KCTD1: variants seen among roughly 807,000 people sequenced by gnomAD.
KCTD1 encodes BTB/POZ domain-containing protein KCTD1.
A neutral mutation model predicts 66.0 loss-of-function variants in KCTD1; 24 were observed. The observed-to-expected ratio is 0.36, with a 90% CI of 0.26 to 0.51. The LOEUF (loss-of-function observed/expected upper bound fraction) is 0.51. KCTD1 is among the 20% of genes least tolerant of loss of function. KCTD1 has a pLI of 0.95. For missense variants in KCTD1, 943 were observed against 1,205.2 expected (o/e 0.78, Z 3.22); for synonymous variants, 511 against 517.2 (o/e 0.99, Z 0.16).
intron 1 of KCTD1, among the ~76,000 whole-genome samples, chr18:26,514,877 G>T (rs1983570433): frequency 6.6e-6 from 1 of 152,228 alleles, no homozygotes; most frequent in Non-Finnish European, 1.5e-5. Flanking sequence ...ATTTTGGAGA[G>T]GATAGTGGTT....
intron 2 of KCTD1, among the ~76,000 whole-genome samples, chr18:26,489,681 T>C (rs1316956058): frequency 6.6e-6 from 1 of 152,206 alleles, no homozygotes; most frequent in Non-Finnish European, 1.5e-5. Context: ...TTTCCTCAGC[T>C]TGAGAATAAC....
At chr18:26,501,043 G>T (rs376586880) in intron 2 of KCTD1, 29 bp downstream of exon 2, 436 of 1,607,312 alleles carry the variant, frequency 2.7e-4, no homozygotes, top group Non-Finnish European at 3.5e-4. Context: ...ATGCACGTCG[G>T]AGTCTGATTT....
chr18:26,462,348 C>A (rs150430753), intron 3 of KCTD1, among the ~76,000 whole-genome samples: 149 of 152,326 alleles, frequency 9.8e-4, no homozygotes, highest in African/African-American at 3.6e-3. Flanking sequence ...GTCTCATGGG[C>A]CTAGCGCTGA....
intron 1 of KCTD1, among the ~76,000 whole-genome samples, chr18:26,622,148 A>G (rs576080381): frequency 6.6e-6 from 1 of 152,276 alleles, no homozygotes; most frequent in African/African-American, 2.4e-5. Flanking sequence ...TGGCTTGCAA[A>G]CTGTCTAAAT....
intron 2 of KCTD1, among the ~76,000 whole-genome samples, chr18:26,478,181 G>A (rs1981445515): frequency 6.6e-6 from 1 of 152,132 alleles, no homozygotes; most frequent in Admixed American, 6.5e-5. Flanking sequence ...CAGTTGACAG[G>A]GGAAGAAAAG....
At chr18:26,525,596 T>C (rs992491480) in intron 1 of KCTD1, among the ~76,000 whole-genome samples, 5 of 152,220 alleles carry the variant, frequency 3.3e-5, no homozygotes, top group African/African-American at 1.2e-4. Context: ...CCTTGGCAAT[T>C]TCTTTCCCAA....
intron 1 of KCTD1, among the ~76,000 whole-genome samples, chr18:26,561,236 A>C (rs554346995): frequency 6.6e-6 from 1 of 152,362 alleles, no homozygotes; most frequent in African/African-American, 2.4e-5. Context: ...TGGAGTAAAA[A>C]GAAAACACAT....
intron 1 of KCTD1, among the ~76,000 whole-genome samples, chr18:26,584,110 AC>A (rs564528469): frequency 1.3e-5 from 2 of 152,196 alleles, no homozygotes; most frequent in African/African-American, 4.8e-5. Flanking sequence ...TATATGAAAG[AC>A]CAGGGTTCTG....
chr18:26,478,935 T>C (rs1053404506), intron 2 of KCTD1, among the ~76,000 whole-genome samples: 6 of 152,210 alleles, frequency 3.9e-5, no homozygotes, highest in Non-Finnish European at 5.9e-5. Context: ...CTGCAAGTGC[T>C]AAGGCACAGG....
chr18:26,570,533 C>A (rs1986083734), intron 1 of KCTD1, among the ~76,000 whole-genome samples: 1 of 152,118 alleles, frequency 6.6e-6, no homozygotes, highest in Non-Finnish European at 1.5e-5. Context: ...CTCAGCCTCC[C>A]AATTAGCTGG....
At chr18:26,606,036 G>A (rs1012346006) in intron 1 of KCTD1, among the ~76,000 whole-genome samples, 2 of 151,252 alleles carry the variant, frequency 1.3e-5, no homozygotes, top group Admixed American at 1.3e-4. Flanking sequence ...GGAAGGGTGG[G>A]ACAGCTCAAA....
intron 1 of KCTD1, among the ~76,000 whole-genome samples, chr18:26,593,315 G>GGAGGAGGAAGAGGAGGAGGAA (rs1986655150): frequency 6.7e-6 from 1 of 149,446 alleles, no homozygotes; most frequent in African/African-American, 2.5e-5. Flanking sequence ...AGAAGGAAGA[G>GGAGGAGGAAGAGGAGGAGGAA]GAGGAGGAAG....
intron 1 of KCTD1, among the ~76,000 whole-genome samples, chr18:26,504,989 C>CAT: frequency 6.6e-6 from 1 of 152,252 alleles, no homozygotes; most frequent in Admixed American, 6.5e-5. Flanking sequence ...CAGGTCCTCG[C>CAT]TGACATTGTT....
intron 1 of KCTD1, among the ~76,000 whole-genome samples, chr18:26,620,769 A>G (rs1239368772): frequency 6.6e-6 from 1 of 151,564 alleles, no homozygotes; most frequent in Middle Eastern, 3.2e-3. Flanking sequence ...TTTAAAAATA[A>G]AAGGTAAGGG....
At chr18:26,495,431 G>C (rs900216217) in intron 2 of KCTD1, among the ~76,000 whole-genome samples, 1 of 152,104 alleles carries the variant, frequency 6.6e-6, no homozygotes, top group Non-Finnish European at 1.5e-5. Context: ...AATGACGCAC[G>C]CCAAAAGCTG....
At chr18:26,536,587 G>A (rs188211974) in intron 1 of KCTD1, among the ~76,000 whole-genome samples, 145 of 152,126 alleles carry the variant, frequency 9.5e-4, no homozygotes, top group African/African-American at 2.8e-3. Context: ...TACTCTCCAG[G>A]GCTGACCTGG....
intron 1 of KCTD1, among the ~76,000 whole-genome samples, chr18:26,575,868 A>G (rs1215268174): frequency 6.6e-6 from 1 of 152,252 alleles, no homozygotes; most frequent in Non-Finnish European, 1.5e-5. Flanking sequence ...AAACAGAGCC[A>G]AGGATGAGGC....
chr18:26,640,061 G>A (rs1987803989), intron 1 of KCTD1, among the ~76,000 whole-genome samples: 2 of 152,184 alleles, frequency 1.3e-5, no homozygotes, highest in South Asian at 4.1e-4. Context: ...GACAAGCGTG[G>A]TGGCCACGGC....
intron 1 of KCTD1, among the ~76,000 whole-genome samples, chr18:26,573,028 CTT>C (rs1185570819): frequency 2.1e-5 from 3 of 146,332 alleles, no homozygotes; most frequent in Non-Finnish European, 3.0e-5. Context: ...CCACCCCCCC[CTT>C]TTTTTTTTTG....
Sources: allele counts gnomAD v4.1 joint callset (sites outside exome capture counted in the v4.1 genomes callset), GRCh38; gene constraint gnomAD v4.1.1; transcripts MANE v1.5; gene names NCBI Gene and HGNC (gene_info 2026-07-23, HGNC 2026-07-21).